DSCAML1: variants seen among roughly 807,000 people sequenced by gnomAD.
The protein encoded by DSCAML1 is cell adhesion molecule DSCAML1.
In DSCAML1, 38 loss-of-function variants were observed where a neutral mutation model predicts 200.5. The ratio of observed to expected loss-of-function variants is 0.19; its 90% CI spans 0.15 to 0.25. The LOEUF is 0.25. Among genes scored for constraint, DSCAML1 ranks in the 10% least tolerant of loss-of-function variants. The pLI, the probability that DSCAML1 is intolerant of heterozygous loss-of-function variation, is 1.00. For synonymous variants in DSCAML1, 1,215 were observed against 1,165.0 expected, an observed-to-expected ratio of 1.04 and a Z score of -0.87; for missense variants, 2,223 against 2,858.8, an observed-to-expected ratio of 0.78 and a Z score of 5.07.
intron 3 of DSCAML1, among the ~76,000 whole-genome samples, chr11:117,754,119 G>C (rs910646891): frequency 6.6e-6 from 1 of 152,154 alleles, no homozygotes; most frequent in Non-Finnish European, 1.5e-5. Flanking sequence ...GAGCAAGCCT[G>C]GAATGGGGAG....
intron 1 of DSCAML1, among the ~76,000 whole-genome samples, chr11:117,802,598 G>A (rs1193023423): frequency 6.6e-6 from 1 of 152,118 alleles, no homozygotes; most frequent in Non-Finnish European, 1.5e-5. Context: ...GAAAGTTCTC[G>A]TATTGGAGTT....
intron 3 of DSCAML1, among the ~76,000 whole-genome samples, chr11:117,585,079 T>C (rs960725007): frequency 6.6e-6 from 1 of 152,204 alleles, no homozygotes; most frequent in Non-Finnish European, 1.5e-5. Flanking sequence ...ATTATCCTTG[T>C]AAATATTATC....
chr11:117,640,277 G>A (rs985204087), intron 3 of DSCAML1, among the ~76,000 whole-genome samples: 8 of 152,186 alleles, frequency 5.3e-5, no homozygotes, highest in African/African-American at 9.7e-5. Flanking sequence ...AAGGCAGCCC[G>A]TTCCATCGCT....
intron 11 of DSCAML1, among the ~76,000 whole-genome samples, chr11:117,495,576 G>C (rs2049275079): frequency 6.6e-6 from 1 of 152,140 alleles, no homozygotes; most frequent in Non-Finnish European, 1.5e-5. Flanking sequence ...GGGGGCAGGG[G>C]GTGGGAGCCT....
intron 3 of DSCAML1, among the ~76,000 whole-genome samples, chr11:117,752,631 C>T (rs1200835383): frequency 2.0e-5 from 3 of 152,088 alleles, no homozygotes; most frequent in Non-Finnish European, 4.4e-5. Flanking sequence ...CAGGGTGCCC[C>T]GGGGAAACAA....
chr11:117,491,496 TGGC>T (rs2049180802), intron 11 of DSCAML1, among the ~76,000 whole-genome samples: 1 of 152,238 alleles, frequency 6.6e-6, no homozygotes, highest in Non-Finnish European at 1.5e-5. Flanking sequence ...CCAGGTGTGG[TGGC>T]TCACGCTTGT....
intron 3 of DSCAML1, among the ~76,000 whole-genome samples, chr11:117,686,842 TGAC>T (rs2137708430): frequency 6.6e-6 from 1 of 152,316 alleles, no homozygotes; most frequent in South Asian, 2.1e-4. Flanking sequence ...AGCCTGATGA[TGAC>T]GATGATGATG....
intron 11 of DSCAML1, among the ~76,000 whole-genome samples, chr11:117,500,520 C>A (rs554093143): frequency 2.0e-5 from 3 of 146,458 alleles, no homozygotes; most frequent in South Asian, 2.3e-4. Flanking sequence ...CAAAGTACTA[C>A]ACAGTAATTC....
At chr11:117,593,468 T>C (rs996165520) in intron 3 of DSCAML1, among the ~76,000 whole-genome samples, 1 of 152,176 alleles carries the variant, frequency 6.6e-6, no homozygotes, top group African/African-American at 2.4e-5. Context: ...CGCTCCCATG[T>C]CACCTGGAAA....
At chr11:117,792,044 T>C (rs777837683) in intron 1 of DSCAML1, among the ~76,000 whole-genome samples, 1 of 152,214 alleles carries the variant, frequency 6.6e-6, no homozygotes, top group Non-Finnish European at 1.5e-5. Flanking sequence ...CACCAGTGGG[T>C]TGCAACCTTT....
At chr11:117,546,471 C>T (rs1007578312) in intron 3 of DSCAML1, among the ~76,000 whole-genome samples, 1 of 152,192 alleles carries the variant, frequency 6.6e-6, no homozygotes, top group African/African-American at 2.4e-5. Context: ...CAGAACTTGA[C>T]CTGGATCTCA....
chr11:117,749,155 AG>A (rs2137862300), intron 3 of DSCAML1, among the ~76,000 whole-genome samples: 1 of 152,264 alleles, frequency 6.6e-6, no homozygotes, highest in South Asian at 2.1e-4. Context: ...CTCCTCCTCC[AG>A]CCCCCTCTGC....
intron 3 of DSCAML1, among the ~76,000 whole-genome samples, chr11:117,756,449 T>A (rs1381361963): frequency 6.6e-6 from 1 of 151,538 alleles, no homozygotes; most frequent in African/African-American, 2.4e-5. Context: ...TTCGGCAGAG[T>A]TGGGAGCCAG....
intron 3 of DSCAML1, among the ~76,000 whole-genome samples, chr11:117,733,262 G>A (rs886736830): frequency 2.0e-5 from 3 of 152,212 alleles, no homozygotes; most frequent in Non-Finnish European, 4.4e-5. Flanking sequence ...GCCCTGTGCA[G>A]TGCTTAGCAC....
rs142351848 is a variant in DSCAML1 at position 117,437,399 on chromosome 11, G to A, written c.4443C>T (p.Phe1481=). The stretch of plus-strand genomic sequence containing the variant: ...GGGTGAAGAGGTGTTGGTCTTTGCT[G>A]AAGGAGGGCTCTGGCAGGCCGGAGG... ...EAKTHGREPS[F]SKDQHLFTHI... The change falls in exon 26 of 33, where the codon TTC becomes TTT. Residue 1481 remains phenylalanine (F), a synonymous_variant. Transcript: ENST00000651296. This position sits in a 1 kb window ranked among gnomAD's most constrained non-coding sequence, Gnocchi z 5.3. 3.4e-5 allele frequency: 54 copies of A among 1,611,370 alleles called. No homozygotes were observed. The highest frequency in any genetic ancestry group is 5.9e-6 in the Non-Finnish European group (7 of 1,177,780).
intron 3 of DSCAML1, among the ~76,000 whole-genome samples, chr11:117,733,228 C>T (rs1351260475): frequency 6.6e-6 from 1 of 152,138 alleles, no homozygotes; most frequent in Non-Finnish European, 1.5e-5. Flanking sequence ...GTTTTGTGAA[C>T]CTCCTGTTGC....
At chr11:117,721,867 G>A (rs12577828) in intron 3 of DSCAML1, among the ~76,000 whole-genome samples, 4,308 of 149,764 alleles carry the variant, frequency 0.029, 100 homozygotes, top group African/African-American at 0.064. Flanking sequence ...GTGCAGTGGC[G>A]CGATCTCGGC....
chr11:117,549,630 G>T (rs189034265), intron 3 of DSCAML1, among the ~76,000 whole-genome samples: 2 of 152,174 alleles, frequency 1.3e-5, no homozygotes, highest in African/African-American at 2.4e-5. Flanking sequence ...CGTGATAAAC[G>T]ATTGCTCTCA....
In DSCAML1 at chr11:117,704,949, G is replaced by A. The variant is rs536433302; in HGVS notation, c.511+71842C>T. 3.3e-5 allele frequency among the ~76,000 whole-genome samples: 5 copies of A among 152,250 alleles called. No homozygotes were observed. The South Asian group carries it at 8.3e-4, about 25-fold the overall frequency. On this transcript the variant is annotated intron_variant, in intron 3 of 32. Transcript: ENST00000651296. ...CCCTTGTGCGCATTAGGTGGGTGGCGAAGGCAGTGAGCTAAGTGGAGTGCT... is the reference window on the plus strand; with the variant it reads ...CCCTTGTGCGCATTAGGTGGGTGGCAAAGGCAGTGAGCTAAGTGGAGTGCT...
Sources: allele counts gnomAD v4.1 joint callset (sites outside exome capture counted in the v4.1 genomes callset), GRCh38; gene constraint gnomAD v4.1.1; non-coding constraint Gnocchi (gnomAD v3.1); transcripts MANE v1.5; gene names NCBI Gene and HGNC (gene_info 2026-07-23, HGNC 2026-07-21).